Variants in FGFR2 observed in about 807,000 individuals in gnomAD.
FGFR2 encodes the protein fibroblast growth factor receptor 2.
FGFR2 carries 19 observed loss-of-function variants against 95.9 expected under a neutral mutation model. That is an observed-to-expected ratio of 0.20 (90% CI 0.14 to 0.29). The LOEUF (loss-of-function observed/expected upper bound fraction) is 0.29. Ranked by LOEUF, FGFR2 falls within the 10% of genes least tolerant of loss-of-function variation. The pLI is 1.00. For missense variants in FGFR2, 707 were observed against 1,056.9 expected (o/e 0.67, Z 4.59); for synonymous variants, 392 against 393.3 (o/e 1.00, Z 0.04).
chr10:121,551,579 T>C (rs1016015123), intron 4 of FGFR2, 120 bp from the exon 5 acceptor site: 1 of 932,790 alleles, frequency 1.1e-6, no homozygotes, highest in African/African-American at 1.7e-5. Flanking sequence ...TTTTAAATCT[T>C]TGGGTAATAT....
In FGFR2 at chr10:121,517,233, C is replaced by T. The variant is rs1849801034; in HGVS notation, c.1084+86G>A. On this transcript the variant is annotated intron_variant, in intron 8 of 17. Coordinates refer to ENST00000358487, the MANE Select transcript of FGFR2 (RefSeq NM_000141.5). The surrounding 1 kb of genome is among the most constrained non-coding windows in gnomAD (Gnocchi z 4.7). ...ATCTTTATGCAAGGATAAAAGGGGC[C>T]ATTTCTGATAACAGAAGCTGTGTTA... The T allele has an allele frequency of 7.1e-7, 1 of 1,411,972 alleles. No homozygotes were observed. The highest frequency in any genetic ancestry group is 1.7e-5 in the Admixed American group (1 of 59,580). 87.5% of individuals were successfully genotyped at this position (1,411,972 alleles called of 1,614,324 possible).
chr10:121,587,670 T>C (rs7091736), intron 2 of FGFR2, among the ~76,000 whole-genome samples: 25,015 of 151,846 alleles, frequency 0.16, 2,086 homozygotes, highest in Non-Finnish European at 0.19. Context: ...ACTAGAGAAA[T>C]GCAAATCAAA....
At chr10:121,496,376 T>C (rs993104474) in intron 13 of FGFR2, among the ~76,000 whole-genome samples, 156 bp downstream of exon 13, 22 of 152,218 alleles carry the variant, frequency 1.4e-4, no homozygotes, top group African/African-American at 5.3e-4. Flanking sequence ...AAACAGTTCA[T>C]TAAACTCAAA....
At chr10:121,524,146 A>ACCCCCCCCCC (rs1554933622) in intron 6 of FGFR2, among the ~76,000 whole-genome samples, 8 of 136,888 alleles carry the variant, frequency 5.8e-5, no homozygotes, top group Non-Finnish European at 1.1e-4. Flanking sequence ...ACACACACAC[A>ACCCCCCCCCC]CCCCAAGTTT....
chr10:121,594,873 G>T (rs1055078345), intron 1 of FGFR2, among the ~76,000 whole-genome samples: 1 of 152,222 alleles, frequency 6.6e-6, no homozygotes, highest in African/African-American at 2.4e-5. Flanking sequence ...CTTTCCATAT[G>T]CAAACCTACT....
chr10:121,482,309 A>G, intron 17 of FGFR2: 1 of 714,770 alleles, frequency 1.4e-6, no homozygotes, highest in African/African-American at 1.8e-5. Flanking sequence ...TTTCCTTTCA[A>G]CTTCTGAAGG....
intron 9 of FGFR2, among the ~76,000 whole-genome samples, chr10:121,506,971 G>C (rs1848380160): frequency 6.6e-6 from 1 of 152,244 alleles, no homozygotes; most frequent in Non-Finnish European, 1.5e-5. Context: ...AAGGGCATAT[G>C]CTTGAAATAT....
intron 2 of FGFR2, among the ~76,000 whole-genome samples, chr10:121,576,190 A>AAAAT (rs1427116738): frequency 4.6e-5 from 7 of 152,314 alleles, no homozygotes; most frequent in Non-Finnish European, 8.8e-5. Context: ...TCCGTCTCAA[A>AAAAT]AAATAAATAA....
In FGFR2 at chr10:121,565,520, C is replaced by A; in HGVS notation, c.294G>T (p.Thr98=). ...IGEYLQIKGA[T]PRDSGLYACT... ...AAGCATAGAGGCCGGAGTCTCTAGGCGTGGCGCCCTTTATCTGCAAGTACT... is the reference window on the plus strand; with the variant it reads ...AAGCATAGAGGCCGGAGTCTCTAGGAGTGGCGCCCTTTATCTGCAAGTACT... Residue 98 remains threonine (T), a synonymous_variant, in exon 3 of 18, where the codon ACG becomes ACT. Transcript: ENST00000358487. 1 of 1,614,204 alleles carries A rather than the reference C, an allele frequency of 6.2e-7. No homozygotes were observed. Among genetic ancestry groups the A allele is most frequent in the South Asian group, 1.1e-5 (1 of 91,074 alleles).
At chr10:121,525,836 A>G (rs1439794657) in intron 6 of FGFR2, among the ~76,000 whole-genome samples, 1 of 152,192 alleles carries the variant, frequency 6.6e-6, no homozygotes, top group Non-Finnish European at 1.5e-5. Flanking sequence ...CAGGCTCAGT[A>G]AACATGCATC....
At chr10:121,577,743 C>T (rs1273969964) in intron 2 of FGFR2, among the ~76,000 whole-genome samples, 1 of 152,104 alleles carries the variant, frequency 6.6e-6, no homozygotes, top group Non-Finnish European at 1.5e-5. Flanking sequence ...CTCCTCCCCG[C>T]AGATGCCACT....
At chr10:121,500,751 A>T in intron 11 of FGFR2, 75 bp downstream of exon 11, 1 of 1,593,396 alleles carries the variant, frequency 6.3e-7, no homozygotes, top group East Asian at 2.2e-5. Flanking sequence ...GATAGAGTTC[A>T]CATGCCACAA....
intron 2 of FGFR2, among the ~76,000 whole-genome samples, chr10:121,583,923 C>T (rs1861358427): frequency 6.6e-6 from 1 of 151,980 alleles, no homozygotes; most frequent in African/African-American, 2.4e-5. Context: ...ACAGGAAAAC[C>T]CAAGATGTTC....
intron 3 of FGFR2, 106 bp downstream of exon 3, chr10:121,565,332 T>C (rs941090083): frequency 2.8e-6 from 4 of 1,434,876 alleles, no homozygotes; most frequent in Non-Finnish European, 2.9e-6. Context: ...TGAAGCTGTA[T>C]GCCTGGCATC....
chr10:121,510,027 T>C (rs1026925155), intron 9 of FGFR2, among the ~76,000 whole-genome samples: 1 of 152,110 alleles, frequency 6.6e-6, no homozygotes, highest in African/African-American at 2.4e-5. Context: ...TCTGCTCTAA[T>C]ATAAGCCTTG....
intron 5 of FGFR2, among the ~76,000 whole-genome samples, chr10:121,544,371 G>A (rs1049686164): frequency 6.6e-6 from 1 of 151,768 alleles, no homozygotes; most frequent in South Asian, 2.1e-4. Context: ...TCGAACCTGG[G>A]AGGCGGAGGT....
chr10:121,594,235 A>G (rs1863115117), intron 1 of FGFR2: 1 of 390,226 alleles, frequency 2.6e-6, no homozygotes, highest in Admixed American at 4.2e-5. Flanking sequence ...ACGTGCAGCC[A>G]CTTCAGTGAG....
Position 121,479,435 on chromosome 10 carries a change from T to A in FGFR2, c.*422A>T, listed in dbSNP as rs553479127. On this transcript the variant is annotated 3_prime_UTR_variant, in exon 18 of 18. Transcript: ENST00000358487. ...AAAATAACTCCTTGTAAATATATAA[T>A]ATATATTTATACATAATTTGAATAT... 1 of 385,010 alleles carries A rather than the reference T, an allele frequency of 2.6e-6. No individual in the cohort carries two copies. Among genetic ancestry groups the A allele is most frequent in the African/African-American group, 2.1e-5 (1 of 48,270 alleles). The allele number at this position is 385,010 out of a possible 1,614,324, so 23.8% of individuals were successfully genotyped here. A position where few individuals can be genotyped will look rare whatever the true frequency, so the allele number is the denominator to read the frequency against.
intron 5 of FGFR2, among the ~76,000 whole-genome samples, chr10:121,543,258 C>G (rs986002585): frequency 6.6e-6 from 1 of 152,190 alleles, no homozygotes; most frequent in Admixed American, 6.5e-5. Context: ...GCCTGTAATC[C>G]CAGCACTTTG....
Sources: allele counts gnomAD v4.1 joint callset (sites outside exome capture counted in the v4.1 genomes callset), GRCh38; gene constraint gnomAD v4.1.1; non-coding constraint Gnocchi (gnomAD v3.1); transcripts MANE v1.5; gene names NCBI Gene and HGNC (gene_info 2026-07-23, HGNC 2026-07-21).